NINL: variants seen among roughly 807,000 people sequenced by gnomAD.
NINL encodes ninein like.
Under a neutral mutation model 160.3 loss-of-function variants are expected in NINL, and 153 were observed. The observed-to-expected ratio is 0.95, with a 90% CI of 0.84 to 1.09. The LOEUF (loss-of-function observed/expected upper bound fraction) is 1.09. NINL is among the 50% of genes least tolerant of loss of function. The probability of loss-of-function intolerance (pLI) is 0.00; values close to 1 mark genes in which losing one functional copy is unlikely to be tolerated. For missense variants in NINL, 1,829 were observed against 1,764.0 expected, an observed-to-expected ratio of 1.04 and a Z score of -0.66; for synonymous variants, 800 against 734.8, an observed-to-expected ratio of 1.09 and a Z score of -1.43.
At chr20:25,458,849 T>C in intron 21 of NINL, 1 of 329,320 alleles carries the variant, frequency 3.0e-6, no homozygotes, top group Non-Finnish European at 5.5e-6. Context: ...TGGGGCCTGA[T>C]TCTTTTCAAA....
chr20:25,575,027 A>G (rs1480595237), intron 1 of NINL, among the ~76,000 whole-genome samples: 1 of 152,184 alleles, frequency 6.6e-6, no homozygotes, highest in Non-Finnish European at 1.5e-5. Context: ...GCAAAGAAAA[A>G]AAAAGGTTTA....
chr20:25,553,472 ATTTTCT>A (rs2064829139), intron 1 of NINL, among the ~76,000 whole-genome samples: 1 of 152,078 alleles, frequency 6.6e-6, no homozygotes, highest in Non-Finnish European at 1.5e-5. Flanking sequence ...GTACTTTCTG[ATTTTCT>A]TTAACATTAA....
At chr20:25,500,807 C>T (rs2063851943) in intron 8 of NINL, 33 bp downstream of exon 8, 1 of 1,600,198 alleles carries the variant, frequency 6.2e-7, no homozygotes, top group African/African-American at 1.3e-5. Flanking sequence ...CCCCAGGTCC[C>T]CTGTCCAGCT....
chr20:25,502,428 C>T (rs2063887253), intron 7 of NINL, among the ~76,000 whole-genome samples: 1 of 152,208 alleles, frequency 6.6e-6, no homozygotes. Context: ...CAGCCATGCC[C>T]TGGTCTCCTC....
At chr20:25,581,856 T>C (rs2065178481) in intron 1 of NINL, among the ~76,000 whole-genome samples, 1 of 138,200 alleles carries the variant, frequency 7.2e-6, no homozygotes, top group South Asian at 2.5e-4. Context: ...CAAATGACCA[T>C]ATCAATTCAC....
chr20:25,532,000 A>G (rs1190713712), intron 1 of NINL, among the ~76,000 whole-genome samples: 1 of 152,188 alleles, frequency 6.6e-6, no homozygotes, highest in Admixed American at 6.5e-5. Flanking sequence ...CAAGATGGGG[A>G]AAGTCTCTAA....
At chr20:25,493,775 G>A (rs570645030) in intron 10 of NINL, among the ~76,000 whole-genome samples, 1 of 151,988 alleles carries the variant, frequency 6.6e-6, no homozygotes, top group African/African-American at 2.4e-5. Flanking sequence ...CAGGGATACC[G>A]CTTCCTAACA....
intron 5 of NINL, among the ~76,000 whole-genome samples, chr20:25,505,766 A>C (rs1489230825): frequency 6.6e-6 from 1 of 152,192 alleles, no homozygotes; most frequent in Non-Finnish European, 1.5e-5. Context: ...GGACAGACAG[A>C]GGGATGGATG....
intron 3 of NINL, among the ~76,000 whole-genome samples, chr20:25,514,456 A>T (rs2064128681): frequency 6.6e-6 from 1 of 152,278 alleles, no homozygotes; most frequent in Non-Finnish European, 1.5e-5. Context: ...AAAGGGAAGC[A>T]AAGTGTGAAA....
intron 1 of NINL, among the ~76,000 whole-genome samples, chr20:25,547,879 C>T (rs1363165429): frequency 6.6e-6 from 1 of 152,180 alleles, no homozygotes; most frequent in Admixed American, 6.5e-5. Flanking sequence ...GCAACCTCTA[C>T]GGACAGCAAC....
intron 1 of NINL, among the ~76,000 whole-genome samples, chr20:25,545,193 T>C (rs934153046): frequency 3.9e-5 from 6 of 152,230 alleles, no homozygotes; most frequent in African/African-American, 9.6e-5. Context: ...TCTATTCCCA[T>C]GGGCCTTGAG....
intron 4 of NINL, among the ~76,000 whole-genome samples, chr20:25,511,931 G>A: frequency 6.6e-6 from 1 of 152,216 alleles, no homozygotes; most frequent in East Asian, 1.9e-4. Flanking sequence ...CCACCTGGCA[G>A]AAGCTGAGAG....
chr20:25,521,676 A>C (rs1012706523), intron 2 of NINL, among the ~76,000 whole-genome samples: 1 of 152,168 alleles, frequency 6.6e-6, no homozygotes, highest in African/African-American at 2.4e-5. Flanking sequence ...CAGTATAATG[A>C]CTGACTGCAA....
chr20:25,548,326 C>T (rs770544246), intron 1 of NINL, among the ~76,000 whole-genome samples: 1 of 152,196 alleles, frequency 6.6e-6, no homozygotes, highest in Admixed American at 6.5e-5. Context: ...CAGCACAATG[C>T]CTTCTGGGCT....
intron 2 of NINL, among the ~76,000 whole-genome samples, chr20:25,521,008 C>T (rs922707484): frequency 1.3e-5 from 2 of 152,150 alleles, no homozygotes; most frequent in African/African-American, 4.8e-5. Context: ...CTTTTGGAAT[C>T]CCAAGAAGTA....
intron 2 of NINL, among the ~76,000 whole-genome samples, chr20:25,519,471 A>G (rs1006213338): frequency 1.3e-5 from 2 of 152,232 alleles, no homozygotes; most frequent in African/African-American, 4.8e-5. Flanking sequence ...TTTCTTGAAT[A>G]TGCCAGTGCC....
chr20:25,503,204 G>A (rs1351222748), intron 7 of NINL, among the ~76,000 whole-genome samples: 1 of 150,780 alleles, frequency 6.6e-6, no homozygotes, highest in East Asian at 2.0e-4. Flanking sequence ...TGTAACCCCA[G>A]CAGGTGGGCA....
chr20:25,543,043 A>AAC (rs1555875651), intron 1 of NINL, among the ~76,000 whole-genome samples: 1 of 150,258 alleles, frequency 6.7e-6, no homozygotes, highest in African/African-American at 2.5e-5. Flanking sequence ...CCGTCTTCAA[A>AAC]AAAAAAAAAA....
chr20:25,547,357 T>C (rs926967767), intron 1 of NINL, among the ~76,000 whole-genome samples: 2 of 152,088 alleles, frequency 1.3e-5, no homozygotes, highest in African/African-American at 4.8e-5. Context: ...CGGTAAACAT[T>C]TGTAAATGTT....
Sources: gnomAD v4.1 joint callset for allele counts (sites outside exome capture counted in the v4.1 genomes callset) on GRCh38, gnomAD v4.1.1 for gene constraint, MANE v1.5 for transcripts, NCBI Gene and HGNC (gene_info 2026-07-23, HGNC 2026-07-21) for gene names.